Variants in PPP2R3A observed in about 807,000 individuals in gnomAD.
PPP2R3A encodes serine/threonine-protein phosphatase 2A regulatory subunit B'' subunit alpha.
In PPP2R3A, 80 loss-of-function variants were observed where a neutral mutation model predicts 106.9. The observed-to-expected ratio is 0.75, with a 90% confidence interval of 0.62 to 0.90. The LOEUF (loss-of-function observed/expected upper bound fraction) is 0.90, where lower values mean the gene tolerates loss of function less well. Among genes scored for constraint, PPP2R3A ranks in the 40% least tolerant of loss-of-function variants. The pLI is 0.00. For synonymous variants in PPP2R3A, 483 were observed against 468.3 expected, an observed-to-expected ratio of 1.03 and a Z score of -0.41; for missense variants, 1,386 against 1,350.4, an observed-to-expected ratio of 1.03 and a Z score of -0.41.
rs766179861 is a variant in PPP2R3A at position 136,082,253 on chromosome 3, A to T, written c.2632-12A>T. 6.4e-7 allele frequency: 1 copy of T among 1,560,852 alleles called. No homozygotes were observed. Among genetic ancestry groups the T allele is most frequent in the South Asian group, 1.1e-5 (1 of 89,600 alleles). On this transcript the variant is annotated splice_polypyrimidine_tract_variant and intron_variant, in intron 7 of 13. Coordinates refer to ENST00000264977, the MANE Select transcript of PPP2R3A (RefSeq NM_002718.5). ...TCATAATGTTTAAATTCTTCTTTTC[A>T]TATAATTTCAGACCCTAGCACTTTT...
chr3:136,095,482 A>T (rs1937194664), intron 10 of PPP2R3A, among the ~76,000 whole-genome samples: 1 of 152,218 alleles, frequency 6.6e-6, no homozygotes, highest in South Asian at 2.1e-4. Context: ...AGTTGATGAA[A>T]CAGAAGCTCT....
intron 9 of PPP2R3A, among the ~76,000 whole-genome samples, chr3:136,090,026 T>A (rs552578627): frequency 1.3e-5 from 2 of 152,334 alleles, no homozygotes; most frequent in East Asian, 3.9e-4. Context: ...CAGGCTTTTC[T>A]AGGTATAGAA....
intron 2 of PPP2R3A, among the ~76,000 whole-genome samples, chr3:136,017,981 G>T (rs1934336056): frequency 6.6e-6 from 1 of 152,124 alleles, no homozygotes; most frequent in Non-Finnish European, 1.5e-5. Context: ...AAAATAAAGG[G>T]CTAGGCCAGG....
intron 13 of PPP2R3A, among the ~76,000 whole-genome samples, chr3:136,144,840 T>A (rs1939042985): frequency 6.6e-6 from 1 of 152,176 alleles, no homozygotes. Flanking sequence ...TGACATGGAC[T>A]TAAGCTTTAA....
chr3:136,043,950 T>A (rs190723431), intron 4 of PPP2R3A, among the ~76,000 whole-genome samples: 84 of 152,366 alleles, frequency 5.5e-4, no homozygotes, highest in Non-Finnish European at 4.6e-4. Context: ...TCTTTCTATT[T>A]CACAGCAAAA....
At chr3:136,058,126 T>C (rs981425515) in intron 5 of PPP2R3A, among the ~76,000 whole-genome samples, 3 of 152,120 alleles carry the variant, frequency 2.0e-5, no homozygotes, top group Non-Finnish European at 4.4e-5. Flanking sequence ...AAGAGCCATA[T>C]ATGACAAGCA....
At chr3:136,043,872 T>C (rs964500722) in intron 4 of PPP2R3A, among the ~76,000 whole-genome samples, 8 of 152,240 alleles carry the variant, frequency 5.3e-5, no homozygotes, top group African/African-American at 1.9e-4. Context: ...TCATGACTTT[T>C]ATCATCTTTT....
intron 2 of PPP2R3A, chr3:136,022,734 C>T (rs1353594326): frequency 8.3e-6 from 9 of 1,083,626 alleles, no homozygotes; most frequent in Non-Finnish European, 1.0e-5. Flanking sequence ...GTGGGTGCTC[C>T]CTTTCCCAGA....
intron 10 of PPP2R3A, among the ~76,000 whole-genome samples, chr3:136,094,260 T>C (rs1195242969): frequency 6.6e-6 from 1 of 152,180 alleles, no homozygotes; most frequent in Non-Finnish European, 1.5e-5. Flanking sequence ...TGGAGTCTCT[T>C]TTTGTAGGTG....
chr3:136,103,126 A>G, intron 11 of PPP2R3A, 132 bp from the exon 12 acceptor site: 1 of 514,622 alleles, frequency 1.9e-6, no homozygotes, highest in East Asian at 3.3e-5. Flanking sequence ...AATGAGATTT[A>G]AATTTTTTTA....
intron 13 of PPP2R3A, among the ~76,000 whole-genome samples, chr3:136,129,424 G>T (rs1049378934): frequency 6.6e-6 from 1 of 152,140 alleles, no homozygotes; most frequent in African/African-American, 2.4e-5. Context: ...TAGAAGAAAT[G>T]GATAAATTCC....
intron 3 of PPP2R3A, among the ~76,000 whole-genome samples, chr3:136,031,778 T>C (rs1022611989): frequency 6.6e-6 from 1 of 152,226 alleles, no homozygotes; most frequent in Non-Finnish European, 1.5e-5. Flanking sequence ...CCCTGCTTTA[T>C]GTTTTTGTTT....
intron 8 of PPP2R3A, among the ~76,000 whole-genome samples, chr3:136,085,635 T>C (rs1332561511): frequency 3.3e-5 from 5 of 152,208 alleles, no homozygotes; most frequent in Non-Finnish European, 5.9e-5. Flanking sequence ...TCTCATAAGA[T>C]TGTCCCTGTT....
intron 1 of PPP2R3A, among the ~76,000 whole-genome samples, chr3:135,977,338 A>G (rs544738441): frequency 4.6e-5 from 7 of 152,234 alleles, no homozygotes; most frequent in Non-Finnish European, 7.3e-5. Flanking sequence ...TGACATTAAT[A>G]ATAGTTCTGT....
intron 10 of PPP2R3A, among the ~76,000 whole-genome samples, chr3:136,096,670 C>T (rs1419454646): frequency 2.6e-5 from 4 of 152,206 alleles, no homozygotes. Context: ...GAATATGCAA[C>T]AGAATATACA....
At chr3:136,022,980 T>C (rs1016116144) in intron 2 of PPP2R3A, 2 of 1,575,934 alleles carry the variant, frequency 1.3e-6, no homozygotes, top group African/African-American at 2.8e-5. Context: ...AAAAAATACC[T>C]TCCTACCTGA....
At chr3:136,030,314 A>ACTTT (rs112610552) in intron 3 of PPP2R3A, among the ~76,000 whole-genome samples, 1 of 144,014 alleles carries the variant, frequency 6.9e-6, no homozygotes, top group Non-Finnish European at 1.6e-5. Flanking sequence ...TGAGTGTGTC[A>ACTTT]GTTTGTTTTT....
intron 1 of PPP2R3A, among the ~76,000 whole-genome samples, chr3:135,970,523 A>C (rs1266647612): frequency 6.6e-6 from 1 of 152,168 alleles, no homozygotes; most frequent in East Asian, 1.9e-4. Flanking sequence ...TCAAATAGAG[A>C]GGTGTCATCA....
At chr3:135,981,937 A>G (rs1365950056) in intron 1 of PPP2R3A, among the ~76,000 whole-genome samples, 1 of 151,664 alleles carries the variant, frequency 6.6e-6, no homozygotes, top group Non-Finnish European at 1.5e-5. Context: ...CAGGAAAGCA[A>G]TTCACTCTGA....
Sources: gnomAD v4.1 joint callset for allele counts (sites outside exome capture counted in the v4.1 genomes callset) on GRCh38, gnomAD v4.1.1 for gene constraint, MANE v1.5 for transcripts, NCBI Gene and HGNC (gene_info 2026-07-23, HGNC 2026-07-21) for gene names.